TMEM259: variants seen among roughly 807,000 people sequenced by gnomAD.
TMEM259 encodes transmembrane protein 259.
In TMEM259, 26 loss-of-function variants were observed where a neutral mutation model predicts 46.7. The ratio of observed to expected loss-of-function variants is 0.56; its 90% CI spans 0.41 to 0.77. The LOEUF is 0.77. Ranked by LOEUF, TMEM259 falls within the 30% of genes least tolerant of loss-of-function variation. The pLI is 0.00. For synonymous variants in TMEM259, 494 were observed against 395.1 expected (o/e 1.25, Z -2.97); for missense variants, 930 against 900.5 (o/e 1.03, Z -0.42).
At chr19:1,012,617 T>TCC in intron 3 of TMEM259, 44 bp from the exon 4 acceptor site, 1 of 1,536,116 alleles carries the variant, frequency 6.5e-7, no homozygotes, top group East Asian at 2.5e-5. Flanking sequence ...CCCACACACG[T>TCC]CCCCCGCCCA....
chr19:1,011,773 C>T lies in TMEM259; in HGVS notation c.968G>A (p.Arg323Gln), dbSNP rs767155414. 9 of 1,564,664 alleles carry T rather than the reference C, an allele frequency of 5.8e-6. No homozygotes were observed. The highest frequency in any genetic ancestry group is 3.5e-5 in the South Asian group (3 of 86,428). ...IFTLSVSMLL[R>Q]YSHHQIFVFI... ...GACGAAGATCTGGTGGTGTGAGTAC[C>T]GCAGCAGCATGGACACGCTCAGCGT... The change falls in exon 7 of 11, where the codon CGG becomes CAG. Residue 323 changes from arginine (R) to glutamine (Q), a missense_variant. By Grantham distance (43) the Arg-to-Gln change is conservative (BLOSUM62 1). Transcript: ENST00000356663.
Position 1,010,385 on chromosome 19 carries a change from C to A in TMEM259, c.1828G>T (p.Ala610Ser). 6.6e-7 allele frequency: 1 copy of A among 1,508,552 alleles called. No homozygotes were observed. The highest frequency in any genetic ancestry group is 8.8e-7 in the Non-Finnish European group (1 of 1,135,876). The allele number at this position is 1,508,552 out of a possible 1,614,324, so 93.4% of individuals were successfully genotyped here. A position where few individuals can be genotyped will look rare whatever the true frequency, so the allele number is the denominator to read the frequency against. ...ACCTCCGAGGGCGCCTCCGTTGGGG[C>A]CATGGAGGCCGGGCTAGGCCCGCCT... The part of the protein sequence containing the change: ...AVGGPSPASM[A>S]PTEAPSEVGS Residue 610 changes from alanine (A) to serine (S), a missense_variant, in exon 11 of 11, where the codon GCC becomes TCC. Transcript: ENST00000356663.
In TMEM259 at chr19:1,013,303, G is replaced by T. The variant is rs745367202; in HGVS notation, c.545C>A (p.Pro182Gln). 5 of 1,613,776 alleles carry T rather than the reference G, an allele frequency of 3.1e-6. No individual in the cohort carries two copies. The highest frequency in any genetic ancestry group is 1.7e-5 in the Admixed American group (1 of 60,006). ...LDIEPKVFKP[P>Q]SSTEALNDSQ... ...GTCATTCAGGGCCTCTGTGCTACTCGGCGGCTTGAACACCTTGGGCTCGAT... is the reference window on the plus strand; with the variant it reads ...GTCATTCAGGGCCTCTGTGCTACTCTGCGGCTTGAACACCTTGGGCTCGAT... The change falls in exon 3 of 11, where the codon CCG becomes CAG. Residue 182 changes from proline to glutamine, a missense_variant. Physicochemically the swap from Pro to Gln is moderately conservative, Grantham distance 76. Transcript: ENST00000356663.
chr19:1,013,241 C>G lies in TMEM259; in HGVS notation c.607G>C (p.Val203Leu). 6.2e-7 allele frequency: 1 copy of G among 1,613,598 alleles called. No individual in the cohort carries two copies. The highest frequency in any genetic ancestry group is 8.5e-7 in the Non-Finnish European group (1 of 1,179,648). The change falls in exon 3 of 11, where the codon GTG becomes CTG. Residue 203 changes from valine to leucine, a missense_variant and splice_region_variant. Physicochemically the swap from Val to Leu is conservative, Grantham distance 32 (BLOSUM62 1). Coordinates refer to ENST00000356663, the MANE Select transcript of TMEM259 (RefSeq NM_001033026.2). Reference protein sequence around the residue: ...EFPFPETPTKVWPQDEYIVEY... With the variant: ...EFPFPETPTKLWPQDEYIVEY... ...AGTACACCTTTGGTGGGTGGCCTAC[C>G]TTTGGTGGGCGTCTCGGGGAAGGGG...
In TMEM259 at chr19:1,012,562, C is replaced by T. The variant is rs780113649; in HGVS notation, c.619G>A (p.Asp207Asn). The T allele has an allele frequency of 1.9e-6, 3 of 1,584,470 alleles. No individual in the cohort carries two copies. Among genetic ancestry groups the T allele is most frequent in the African/African-American group, 1.3e-5 (1 of 74,306 alleles). ...AGTGAGTACTCCACGATGTACTCGT[C>T]CTGCGGCCACACTGCAGGGCAGAAC... Reference protein sequence around the residue: ...PETPTKVWPQDEYIVEYSLEY... With the variant: ...PETPTKVWPQNEYIVEYSLEY... The change falls in exon 4 of 11, where the codon GAC (aspartate) becomes AAC (asparagine). Residue 207 changes from aspartate to asparagine, a missense_variant. Asp to Asn is a conservative substitution (Grantham distance 23). Coordinates refer to ENST00000356663, the MANE Select transcript of TMEM259 (RefSeq NM_001033026.2).
intron 10 of TMEM259, 35 bp from the exon 11 acceptor site, chr19:1,010,930 G>A (rs370734644): frequency 4.5e-6 from 7 of 1,562,316 alleles, no homozygotes; most frequent in Non-Finnish European, 4.3e-6. Context: ...GGACGGGCCC[G>A]CCCCTGCCCC....
At chr19:1,012,234 C>T in intron 4 of TMEM259, 46 bp from the exon 5 acceptor site, 1 of 1,562,958 alleles carries the variant, frequency 6.4e-7, no homozygotes, top group Non-Finnish European at 8.7e-7. Flanking sequence ...CCCAGGCCAC[C>T]CCCTGGGCCC....
chr19:1,010,342 T>C lies in TMEM259; in HGVS notation c.*8A>G. Reference sequence around the variant, plus strand: ...CAGCAGGGGTCAGAGGCGGCTCAGCTGTGCGGCTCAGGACCCCACCTCCGA... The same window carrying C: ...CAGCAGGGGTCAGAGGCGGCTCAGCCGTGCGGCTCAGGACCCCACCTCCGA... On this transcript the variant is annotated 3_prime_UTR_variant, in exon 11 of 11. Coordinates refer to ENST00000356663, the MANE Select transcript of TMEM259 (RefSeq NM_001033026.2). 1 of 1,472,534 alleles carries C rather than the reference T, an allele frequency of 6.8e-7. No individual in the cohort carries two copies. Among genetic ancestry groups the C allele is most frequent in the South Asian group, 1.4e-5 (1 of 73,674 alleles). 91.2% of individuals were successfully genotyped at this position (1,472,534 alleles called of 1,614,324 possible).
chr19:1,010,629 G>C lies in TMEM259; in HGVS notation c.1584C>G (p.Ala528=), dbSNP rs774820642. ...AAPSSLVAAA[A]SVAAAAGGDL... ...CACCACCGGCAGCTGCTGCCACTGA[G>C]GCTGCCGCGGCCACCAGGGAGCTGG... is the stretch of plus-strand genomic sequence containing the variant. The change falls in exon 11 of 11, where the codon GCC becomes GCG. Residue 528 remains alanine, a synonymous_variant. Transcript: ENST00000356663. The C allele has an allele frequency of 1.3e-6, 2 of 1,545,498 alleles. No homozygotes were observed. The highest frequency in any genetic ancestry group is 2.4e-5 in the South Asian group (2 of 84,396).
rs1046116733 is a variant in TMEM259 at position 1,020,248 on chromosome 19, T to C, written c.225+524A>G. ...GGCTACAAGGAGGGAGAGAGGGGAGTGGGGAGTCGACTTCCAGGACAGGGG... is the reference window on the plus strand; with the variant it reads ...GGCTACAAGGAGGGAGAGAGGGGAGCGGGGAGTCGACTTCCAGGACAGGGG... On this transcript the variant is annotated intron_variant, in intron 1 of 10. Transcript: ENST00000356663. The surrounding 1 kb of genome is among the most constrained non-coding windows in gnomAD (Gnocchi z 4.0). 2.0e-5 allele frequency among the ~76,000 whole-genome samples: 3 copies of C among 148,826 alleles called. No homozygotes were observed. In the East Asian group the frequency reaches 5.9e-4, roughly 29 times the overall value.
At chr19:1,012,299 C>G in intron 4 of TMEM259, 111 bp from the exon 5 acceptor site, 1 of 1,505,972 alleles carries the variant, frequency 6.6e-7, no homozygotes, top group Non-Finnish European at 8.9e-7. Flanking sequence ...CCTGCCCATT[C>G]TTAGGAAACC....
chr19:1,020,644 T>G lies in TMEM259; in HGVS notation c.225+128A>C. ...GAGAGCCCTAATCGGTAGGGCCGGG[T>G]ATAGGCCTCAGGGTGCAGGGTGGCG... On this transcript the variant is annotated intron_variant, in intron 1 of 10. Coordinates refer to ENST00000356663, the MANE Select transcript of TMEM259 (RefSeq NM_001033026.2). The surrounding 1 kb of genome is among the most constrained non-coding windows in gnomAD (Gnocchi z 4.0). 2 of 560,876 alleles carry G rather than the reference T, an allele frequency of 3.6e-6. No homozygotes were observed. Among genetic ancestry groups the G allele is most frequent in the Non-Finnish European group, 5.4e-6 (2 of 372,840 alleles). The allele number at this position is 560,876 out of a possible 1,614,324, so 34.7% of individuals were successfully genotyped here. A position where few individuals can be genotyped will look rare whatever the true frequency, so the allele number is the denominator to read the frequency against.
intron 2 of TMEM259, chr19:1,013,592 G>A (rs1340941569): frequency 1.5e-5 from 7 of 476,518 alleles, no homozygotes; most frequent in Non-Finnish European, 2.7e-5. Context: ...CCAGCTACAG[G>A]CAGTAGACCC....
At chr19:1,014,030 G>A (rs559204517) in intron 2 of TMEM259, among the ~76,000 whole-genome samples, 162 bp downstream of exon 2, 160 of 152,334 alleles carry the variant, frequency 1.1e-3, no homozygotes, top group African/African-American at 3.6e-3. Flanking sequence ...AGAGCCCCCA[G>A]GCCACCAAAA....
rs753568707 is a variant in TMEM259 at position 1,011,456 on chromosome 19, G to T, written c.1128C>A (p.Thr376=). 6.4e-7 allele frequency: 1 copy of T among 1,560,858 alleles called. No individual in the cohort carries two copies. The highest frequency in any genetic ancestry group is 1.9e-5 in the Admixed American group (1 of 52,858). ...IMSEFFNDTT[T]AFYIILIVWL... ...ACACGATGAGGATGATGTAGAAGGCGGTGGTGGTGTCGTTGAAGAACTCCG... is the reference window on the plus strand; with the variant it reads ...ACACGATGAGGATGATGTAGAAGGCTGTGGTGGTGTCGTTGAAGAACTCCG... The change falls in exon 9 of 11, where the codon ACC becomes ACA. Residue 376 remains threonine (T), a synonymous_variant. Transcript: ENST00000356663.
rs1164733369 is a variant in TMEM259 at position 1,010,906 on chromosome 19, G to C, written c.1318-11C>G. The C allele has an allele frequency of 6.3e-7, 1 of 1,586,540 alleles. No homozygotes were observed. Among genetic ancestry groups the C allele is most frequent in the Admixed American group, 1.7e-5 (1 of 58,854 alleles). On this transcript the variant is annotated splice_polypyrimidine_tract_variant and intron_variant, in intron 10 of 10. Coordinates refer to ENST00000356663, the MANE Select transcript of TMEM259 (RefSeq NM_001033026.2). ...GTAGATCATGGAATGCTGCGGGAGG[G>C]AGAGTGGGAGTCAGGACGGGCCCGC... is the stretch of plus-strand genomic sequence containing the variant.
chr19:1,014,068 C>G lies in TMEM259; in HGVS notation c.507+124G>C, dbSNP rs574405556. On this transcript the variant is annotated intron_variant, in intron 2 of 10. Coordinates refer to ENST00000356663, the MANE Select transcript of TMEM259 (RefSeq NM_001033026.2). Reference sequence around the variant, plus strand: ...CCACGGCAGGCAGGGGCGGCCTTGTCTGCATGCCAGGTCCCTGAAAGTCAA... The same window carrying G: ...CCACGGCAGGCAGGGGCGGCCTTGTGTGCATGCCAGGTCCCTGAAAGTCAA... 65 of 1,288,394 alleles carry G rather than the reference C, an allele frequency of 5.0e-5. 3 individuals carry two copies. The South Asian group carries it at 9.0e-4, about 18-fold the overall frequency. The allele number at this position is 1,288,394 out of a possible 1,614,324, so 79.8% of individuals were successfully genotyped here.
chr19:1,012,165 C>T lies in TMEM259; in HGVS notation c.742G>A (p.Gly248Arg), dbSNP rs781761315. 7 of 1,605,886 alleles carry T rather than the reference C, an allele frequency of 4.4e-6. No homozygotes were observed. Among genetic ancestry groups the T allele is most frequent in the African/African-American group, 2.7e-5 (2 of 74,772 alleles). The change falls in exon 5 of 11, where the codon GGG becomes AGG. Residue 248 changes from glycine (G) to arginine (R), a missense_variant. Coordinates refer to ENST00000356663, the MANE Select transcript of TMEM259 (RefSeq NM_001033026.2). ...TLDPTRDQCF[G>R]DRFSRLLLDE... Reference sequence around the variant, plus strand: ...AGCAGCAGGCGGCTGAAGCGGTCCCCGAAGCACTGGTCCCGCGTGGGGTCT... The same window carrying T: ...AGCAGCAGGCGGCTGAAGCGGTCCCTGAAGCACTGGTCCCGCGTGGGGTCT...
At chr19:1,018,953 A>C (rs1017537993) in intron 1 of TMEM259, among the ~76,000 whole-genome samples, 2 of 148,394 alleles carry the variant, frequency 1.3e-5, no homozygotes, top group African/African-American at 2.5e-5. Flanking sequence ...AAACCACTGC[A>C]CTCCAGCCTG....
Sources: gnomAD v4.1 joint callset for allele counts (sites outside exome capture counted in the v4.1 genomes callset) on GRCh38, gnomAD v4.1.1 for gene constraint, Gnocchi (gnomAD v3.1) non-coding constraint, MANE v1.5 for transcripts, NCBI Gene and HGNC (gene_info 2026-07-23, HGNC 2026-07-21) for gene names.